Variants in WWC2 observed in about 807,000 individuals in gnomAD.
WWC2 encodes the protein protein WWC2.
A neutral mutation model predicts 138.5 loss-of-function variants in WWC2; 101 were observed. The observed-to-expected ratio is 0.73, with a 90% CI of 0.62 to 0.86. The LOEUF (loss-of-function observed/expected upper bound fraction) is 0.86. Ranked by LOEUF, WWC2 falls within the 40% of genes least tolerant of loss-of-function variation. The pLI, the probability that WWC2 is intolerant of heterozygous loss-of-function variation, is 0.00. For synonymous variants in WWC2, 558 were observed against 538.4 expected (o/e 1.04, Z -0.50); for missense variants, 1,420 against 1,419.4 (o/e 1.00, Z -0.01).
At chr4:183,135,086 A>G (rs562123081) in intron 1 of WWC2, among the ~76,000 whole-genome samples, 4 of 152,066 alleles carry the variant, frequency 2.6e-5, no homozygotes, top group Admixed American at 2.0e-4. Flanking sequence ...GTGTGCCACC[A>G]CATTTTTTTG....
chr4:183,124,488 C>T (rs1410720442), intron 1 of WWC2, among the ~76,000 whole-genome samples: 1 of 144,114 alleles, frequency 6.9e-6, no homozygotes, highest in Non-Finnish European at 1.5e-5. Flanking sequence ...GTACTTTATG[C>T]TTTTGTTTTT....
At chr4:183,109,935 G>A (rs2152887342) in intron 1 of WWC2, among the ~76,000 whole-genome samples, 1 of 152,310 alleles carries the variant, frequency 6.6e-6, no homozygotes, top group South Asian at 2.1e-4. Context: ...GGACCTAATG[G>A]TAGTGGAAAT....
chr4:183,230,132 T>C lies in WWC2; in HGVS notation c.523-10051T>C, dbSNP rs368672010. On this transcript the variant is annotated intron_variant, in intron 4 of 22. Coordinates refer to ENST00000403733, the MANE Select transcript of WWC2 (RefSeq NM_024949.6). The stretch of plus-strand genomic sequence containing the variant: ...GTGAGCCACCACACCCAGCCTCCTA[T>C]TGTTTTTTTAAGAGTGGCAGGGTCT... Among the ~76,000 whole-genome samples, 84 of 152,118 alleles carry C rather than the reference T, an allele frequency of 5.5e-4. 2 individuals are homozygous for C. The highest frequency in any genetic ancestry group is 1.9e-3 in the African/African-American group (79 of 41,410).
intron 17 of WWC2, 95 bp from the exon 18 acceptor site, chr4:183,282,613 T>A: frequency 8.0e-7 from 1 of 1,245,722 alleles, no homozygotes; most frequent in East Asian, 2.5e-5. Context: ...TGTGTGAGTC[T>A]GTTTATTTCC....
At chr4:183,224,091 A>G (rs1228430881) in intron 4 of WWC2, among the ~76,000 whole-genome samples, 1 of 152,182 alleles carries the variant, frequency 6.6e-6, no homozygotes, top group East Asian at 1.9e-4. Context: ...AAACAAAACT[A>G]GGTCATTTGT....
chr4:183,277,918 T>G (rs1176879002), intron 16 of WWC2, among the ~76,000 whole-genome samples: 4 of 151,060 alleles, frequency 2.6e-5, no homozygotes, highest in African/African-American at 7.3e-5. Flanking sequence ...TTTCTCCCAT[T>G]TTGTAGGTTG....
chr4:183,156,047 G>A (rs1301929250), intron 1 of WWC2, among the ~76,000 whole-genome samples: 3 of 150,856 alleles, frequency 2.0e-5, no homozygotes, highest in African/African-American at 7.3e-5. Context: ...TCTTTTTTGA[G>A]ACGGAATCTT....
At chr4:183,156,027 CT>C (rs11290726) in intron 1 of WWC2, among the ~76,000 whole-genome samples, 147,999 of 150,232 alleles carry the variant, frequency 0.99, 72,931 homozygotes, top group Middle Eastern at 1. Context: ...TCTTTCTTTC[CT>C]TTTTTTTTTC....
intron 1 of WWC2, among the ~76,000 whole-genome samples, chr4:183,109,580 A>C (rs939378397): frequency 5.3e-5 from 8 of 152,212 alleles, no homozygotes; most frequent in Admixed American, 2.0e-4. Flanking sequence ...TCACATGTGC[A>C]GTTCATTATA....
Position 183,253,766 on chromosome 4 carries a change from C to T in WWC2, c.963C>T (p.Asn321=). ...ATCTTTTTTTTTTTAGTATGGCCAA[C>T]TTAAAAATTGAACTGTCAAAATTGG... ...QYEEAKRSMA[N]LKIELSKLDS... The change falls in exon 9 of 23, where the codon AAC becomes AAT. Residue 321 remains asparagine (N), a synonymous_variant. Coordinates refer to ENST00000403733, the MANE Select transcript of WWC2 (RefSeq NM_024949.6). The T allele has an allele frequency of 1.2e-6, 2 of 1,606,836 alleles. No individual in the cohort carries two copies. Among genetic ancestry groups the T allele is most frequent in the Non-Finnish European group, 1.7e-6 (2 of 1,178,074 alleles).
At chr4:183,130,528 T>C (rs867570106) in intron 1 of WWC2, among the ~76,000 whole-genome samples, 13 of 152,248 alleles carry the variant, frequency 8.5e-5, no homozygotes, top group African/African-American at 2.9e-4. Flanking sequence ...GGGCACTGAT[T>C]ATGTACTTGA....
At chr4:183,194,533 T>TA (rs1261280294) in intron 2 of WWC2, among the ~76,000 whole-genome samples, 1 of 152,246 alleles carries the variant, frequency 6.6e-6, no homozygotes, top group Non-Finnish European at 1.5e-5. Flanking sequence ...TTATTTCTTT[T>TA]AGATCTATTC....
intron 9 of WWC2, among the ~76,000 whole-genome samples, chr4:183,256,561 C>A (rs888234709): frequency 6.6e-6 from 1 of 152,130 alleles, no homozygotes; most frequent in Non-Finnish European, 1.5e-5. Flanking sequence ...GAAGAGAACG[C>A]CCTTGCCAGC....
intron 2 of WWC2, among the ~76,000 whole-genome samples, chr4:183,205,548 A>C (rs1227159528): frequency 1.3e-5 from 2 of 152,176 alleles, no homozygotes; most frequent in East Asian, 3.9e-4. Context: ...TAGACATTAT[A>C]AAGTTGGTTT....
At chr4:183,217,503 A>G (rs1735790363) in intron 4 of WWC2, among the ~76,000 whole-genome samples, 1 of 152,316 alleles carries the variant, frequency 6.6e-6, no homozygotes, top group Non-Finnish European at 1.5e-5. Flanking sequence ...GTACAATTTA[A>G]TTAGCAGACA....
intron 4 of WWC2, among the ~76,000 whole-genome samples, chr4:183,210,875 A>G (rs781208759): frequency 6.6e-6 from 1 of 152,238 alleles, no homozygotes; most frequent in Non-Finnish European, 1.5e-5. Context: ...GCAGTGCGAG[A>G]CATACCGTCT....
At chr4:183,281,639 C>G (rs1350772312) in intron 17 of WWC2, among the ~76,000 whole-genome samples, 2 of 152,018 alleles carry the variant, frequency 1.3e-5, no homozygotes, top group Non-Finnish European at 1.5e-5. Flanking sequence ...ATATAGAAAA[C>G]TTTTTAGAAA....
At chr4:183,239,655 G>A (rs1034207074) in intron 4 of WWC2, among the ~76,000 whole-genome samples, 1 of 152,162 alleles carries the variant, frequency 6.6e-6, no homozygotes, top group Non-Finnish European at 1.5e-5. Context: ...AAATACTCTG[G>A]TCTAAATAAA....
At chr4:183,248,881 A>G (rs1461936282) in intron 7 of WWC2, 21 bp downstream of exon 7, 1 of 1,557,670 alleles carries the variant, frequency 6.4e-7, no homozygotes, top group Non-Finnish European at 8.7e-7. Flanking sequence ...TGTGCTGAAG[A>G]GTTGGCCCAG....
Sources: gnomAD v4.1 joint callset for allele counts (sites outside exome capture counted in the v4.1 genomes callset) on GRCh38, gnomAD v4.1.1 for gene constraint, MANE v1.5 for transcripts, NCBI Gene and HGNC (gene_info 2026-07-23, HGNC 2026-07-21) for gene names.